The following GBX1 variants were observed in gnomAD, a reference collection of about 807,000 sequenced individuals.
GBX1 encodes the protein gastrulation brain homeobox 1, also known as homeobox protein GBX-1.
GBX1 carries 9 observed loss-of-function variants against 22.9 expected under a neutral mutation model. The observed-to-expected ratio is 0.39, with a 90% CI of 0.24 to 0.69. GBX1 has a LOEUF of 0.69. Ranked by LOEUF, GBX1 falls within the 30% of genes least tolerant of loss-of-function variation. The pLI is 0.43. For synonymous variants in GBX1, 203 were observed against 227.3 expected (o/e 0.89, Z 0.96); for missense variants, 494 against 509.2 (o/e 0.97, Z 0.29).
chr7:151,162,239 C>T (rs1801194336), intron 1 of GBX1, among the ~76,000 whole-genome samples: 1 of 152,208 alleles, frequency 6.6e-6, no homozygotes, highest in African/African-American at 2.4e-5. Context: ...AAAAATCTCC[C>T]TCTTGTTTCT....
chr7:151,167,499 C>T lies in GBX1; in HGVS notation c.50G>A (p.Gly17Asp). 6.7e-7 allele frequency: 1 copy of T among 1,483,596 alleles called. No homozygotes were observed. Among genetic ancestry groups the T allele is most frequent in the Non-Finnish European group, 8.9e-7 (1 of 1,126,258 alleles). 91.9% of individuals were successfully genotyped at this position (1,483,596 alleles called of 1,614,324 possible). A position where few individuals can be genotyped will look rare whatever the true frequency, so the allele number is the denominator to read the frequency against. Residue 17 changes from glycine to aspartate, a missense_variant, in exon 1 of 2, where the codon GGC becomes GAC. This residue lies in a region of GBX1 where 365 missense variants were observed against 340.4 expected (regional missense o/e 1.07). Transcript: ENST00000297537. The surrounding 1 kb of genome is among the most constrained non-coding windows in gnomAD (Gnocchi z 5.9). ...GSAPGGNGGG[G>D]GGGPGTAFSI... ...GAAGGCAGTGCCCGGGCCCCCGCCG[C>T]CGCCCCCGCCGTTGCCCCCAGGGGC...
At chr7:151,154,923 C>T (rs1801117549) in intron 1 of GBX1, among the ~76,000 whole-genome samples, 1 of 152,192 alleles carries the variant, frequency 6.6e-6, no homozygotes, top group African/African-American at 2.4e-5. Context: ...GCAGGGAGGC[C>T]TGCGCTAGAG....
At chr7:151,157,499 G>T (rs1229762278) in intron 1 of GBX1, among the ~76,000 whole-genome samples, 1 of 152,124 alleles carries the variant, frequency 6.6e-6, no homozygotes, top group Non-Finnish European at 1.5e-5. Flanking sequence ...TTCACTGCCA[G>T]GATCTCTTTA....
In GBX1 at chr7:151,167,225, G is replaced by A. The variant is rs1801267762; in HGVS notation, c.324C>T (p.Phe108=). The change falls in exon 1 of 2, where the codon TTC becomes TTT. Residue 108 remains phenylalanine, a synonymous_variant. Coordinates refer to ENST00000297537, the MANE Select transcript of GBX1 (RefSeq NM_001098834.3). The surrounding 1 kb of genome is among the most constrained non-coding windows in gnomAD (Gnocchi z 5.9). ...CGTAGAAAGCGTCGGGCGGCTCCGCGAAGCTGGGCAGCGCGGTGGTCAGCG... is the reference window on the plus strand; with the variant it reads ...CGTAGAAAGCGTCGGGCGGCTCCGCAAAGCTGGGCAGCGCGGTGGTCAGCG... ...MVALTTALPS[F]AEPPDAFYGP... 1 of 1,556,314 alleles carries A rather than the reference G, an allele frequency of 6.4e-7. No homozygotes were observed. The highest frequency in any genetic ancestry group is 8.7e-7 in the Non-Finnish European group (1 of 1,153,146).
At chr7:151,158,197 C>T (rs1392669861) in intron 1 of GBX1, among the ~76,000 whole-genome samples, 1 of 152,166 alleles carries the variant, frequency 6.6e-6, no homozygotes, top group African/African-American at 2.4e-5. Context: ...TCACATGACT[C>T]CAGGGAAAGT....
Position 151,167,434 on chromosome 7 carries a change from C to A in GBX1, c.115G>T (p.Gly39Cys). 6.6e-7 allele frequency: 1 copy of A among 1,510,526 alleles called. No individual in the cohort carries two copies. Among genetic ancestry groups the A allele is most frequent in the Middle Eastern group, 2.0e-4 (1 of 5,126 alleles). 93.6% of individuals were successfully genotyped at this position (1,510,526 alleles called of 1,614,324 possible). Residue 39 changes from glycine (G) to cysteine (C), a missense_variant, in exon 1 of 2, where the codon GGC (glycine) becomes TGC (cysteine). Around this residue, in one of 3 missense-constraint regions of GBX1, gnomAD observed 365 missense variants for 340.4 expected, o/e 1.07. Coordinates refer to ENST00000297537, the MANE Select transcript of GBX1 (RefSeq NM_001098834.3). The surrounding 1 kb of genome is among the most constrained non-coding windows in gnomAD (Gnocchi z 5.9). ...SLIGPPPPRS[G>C]HLLYTGYPMF... ...GGGTAGCCGGTGTACAGCAAGTGGC[C>A]GGAGCGCGGCGGCGGCGGCCCGATT...
Position 151,167,283 on chromosome 7 carries a change from G to T in GBX1, c.266C>A (p.Ala89Glu). The T allele has an allele frequency of 6.5e-7, 1 of 1,535,354 alleles. No homozygotes were observed. ...FAGRLTNTFC[A>E]GLGQAVPSMV... ...CGAGGGCACAGCCTGACCCAGCCCC[G>T]CGCAGAAGGTGTTGGTAAGGCGGCC... Residue 89 changes from alanine to glutamate, a missense_variant, in exon 1 of 2, where the codon GCG (alanine) becomes GAG (glutamate). By Grantham distance (107) the Ala-to-Glu change is moderately radical. Around this residue, in one of 3 missense-constraint regions of GBX1, gnomAD observed 365 missense variants for 340.4 expected, o/e 1.07. Coordinates refer to ENST00000297537, the MANE Select transcript of GBX1 (RefSeq NM_001098834.3). The surrounding 1 kb of genome is among the most constrained non-coding windows in gnomAD (Gnocchi z 5.9).
intron 1 of GBX1, among the ~76,000 whole-genome samples, chr7:151,156,294 G>A (rs906551785): frequency 6.7e-6 from 1 of 149,134 alleles, no homozygotes; most frequent in African/African-American, 2.5e-5. Flanking sequence ...GGCTGAGGTG[G>A]GAGAGTCACT....
rs746318397 is a variant in GBX1 at position 151,158,436 on chromosome 7, AAGAAG to A, written c.538+8570_538+8574del. Among the ~76,000 whole-genome samples, 24 of 152,176 alleles carry A rather than the reference AAGAAG, an allele frequency of 1.6e-4. No individual in the cohort carries two copies. In the East Asian group the frequency reaches 1.9e-3, roughly 12 times the overall value. ...AACAGAAATTTTTTGATAAAGAAAC[AAGAAG>A]AGTTTTTTTGTTTTTGTTTTTGTTT... is the stretch of plus-strand genomic sequence containing the variant. On this transcript the variant is annotated intron_variant, in intron 1 of 1. Coordinates refer to ENST00000297537, the MANE Select transcript of GBX1 (RefSeq NM_001098834.3).
Position 151,161,250 on chromosome 7 carries a change from T to C in GBX1, c.538+5761A>G, listed in dbSNP as rs141955798. On this transcript the variant is annotated intron_variant, in intron 1 of 1. Transcript: ENST00000297537. ...CATTATTCCCAGTATAGTCTACTCA[T>C]GCCTGCCACTCCAAGTATAAGAATC... 4.5e-3 allele frequency among the ~76,000 whole-genome samples: 680 copies of C among 152,332 alleles called. 5 individuals carry two copies. Among genetic ancestry groups the C allele is most frequent in the Non-Finnish European group, 8.3e-3 (567 of 68,034 alleles).
At chr7:151,164,523 T>TG (rs1177048775) in intron 1 of GBX1, among the ~76,000 whole-genome samples, 2 of 152,104 alleles carry the variant, frequency 1.3e-5, no homozygotes, top group Non-Finnish European at 2.9e-5. Flanking sequence ...TTACTGAGAG[T>TG]GACAGAAGCA....
rs535702813 is a variant in GBX1, at chr7:151,164,508, C to T, written c.538+2503G>A. On this transcript the variant is annotated intron_variant, in intron 1 of 1. Coordinates refer to ENST00000297537, the MANE Select transcript of GBX1 (RefSeq NM_001098834.3). ...TGGCTTGCCCAGGAAGAGTTGGAAG[C>T]GTGTTTACTGAGAGTGACAGAAGCA... Among the ~76,000 whole-genome samples, 11 of 152,254 alleles carry T rather than the reference C, an allele frequency of 7.2e-5. No homozygotes were observed. In the South Asian group the frequency reaches 1.5e-3, roughly 20 times the overall value.
At chr7:151,159,030 C>T (rs1389397973) in intron 1 of GBX1, among the ~76,000 whole-genome samples, 2 of 152,056 alleles carry the variant, frequency 1.3e-5, no homozygotes, top group Admixed American at 6.5e-5. Flanking sequence ...CATGCTTGCT[C>T]CTTTGCACTA....
chr7:151,166,177 T>C (rs1480561906), intron 1 of GBX1, among the ~76,000 whole-genome samples: 1 of 152,154 alleles, frequency 6.6e-6, no homozygotes, highest in East Asian at 1.9e-4. Flanking sequence ...TCTAATTGAA[T>C]GGACTCTAAA....
chr7:151,156,957 C>T (rs1324712511), intron 1 of GBX1, among the ~76,000 whole-genome samples: 2 of 146,348 alleles, frequency 1.4e-5, no homozygotes, highest in Admixed American at 1.4e-4. Context: ...TGTACTCCAG[C>T]CCAGGCAACA....
At chr7:151,152,974 G>A (rs972599561) in intron 1 of GBX1, among the ~76,000 whole-genome samples, 1 of 152,142 alleles carries the variant, frequency 6.6e-6, no homozygotes, top group Non-Finnish European at 1.5e-5. Context: ...AGCAACGAGA[G>A]GAGAAAATAC....
At position 151,167,390 on chromosome 7, in the gene GBX1, C is replaced by A; in HGVS notation, c.159G>T (p.Arg53=). 1.3e-6 allele frequency: 2 copies of A among 1,514,816 alleles called. No individual in the cohort carries two copies. The highest frequency in any genetic ancestry group is 1.8e-6 in the Non-Finnish European group (2 of 1,133,242). The allele number at this position is 1,514,816 out of a possible 1,614,324, so 93.8% of individuals were successfully genotyped here. The part of the protein sequence containing the change: ...YTGYPMFMPY[R]PLVLPQALAP... ...CCAGCGCCTGCGGCAGCACGAGCGG[C>A]CGGTAGGGCATGAACATGGGGTAGC... Residue 53 remains arginine, a synonymous_variant, in exon 1 of 2, where the codon CGG becomes CGT. Coordinates refer to ENST00000297537, the MANE Select transcript of GBX1 (RefSeq NM_001098834.3). This position sits in a 1 kb window ranked among gnomAD's most constrained non-coding sequence, Gnocchi z 5.9.
chr7:151,156,072 T>C (rs182449936), intron 1 of GBX1, among the ~76,000 whole-genome samples: 3 of 152,200 alleles, frequency 2.0e-5, no homozygotes, highest in Non-Finnish European at 4.4e-5. Context: ...AACCTTCTTA[T>C]CAAATCCAAG....
rs894431557 is a variant in GBX1, at chr7:151,148,194, C to T, written c.*395G>A. Reference sequence around the variant, plus strand: ...ATTTACACAAATAAATAAGGAGCTGCGATCTACTTGGCTAGGTATCGCCTG... The same window carrying T: ...ATTTACACAAATAAATAAGGAGCTGTGATCTACTTGGCTAGGTATCGCCTG... On this transcript the variant is annotated 3_prime_UTR_variant, in exon 2 of 2. Coordinates refer to ENST00000297537, the MANE Select transcript of GBX1 (RefSeq NM_001098834.3). This position sits in a 1 kb window ranked among gnomAD's most constrained non-coding sequence, Gnocchi z 5.1. Among the ~76,000 whole-genome samples, 1 of 152,120 alleles carries T rather than the reference C, an allele frequency of 6.6e-6. No individual in the cohort carries two copies. The highest frequency in any genetic ancestry group is 1.5e-5 in the Non-Finnish European group (1 of 68,012).
Sources: gnomAD v4.1 joint callset for allele counts (sites outside exome capture counted in the v4.1 genomes callset) on GRCh38, gnomAD v4.1.1 for gene constraint, gnomAD v4.1.1 regional missense constraint, Gnocchi (gnomAD v3.1) non-coding constraint, MANE v1.5 for transcripts, NCBI Gene and HGNC (gene_info 2026-07-23, HGNC 2026-07-21) for gene names.